RELN: variants seen among roughly 807,000 people sequenced by gnomAD.
RELN encodes the protein reelin.
In RELN, 108 loss-of-function variants were observed where a neutral mutation model predicts 427.6. That is an observed-to-expected ratio of 0.25 (90% CI 0.22 to 0.30). The LOEUF is 0.30. RELN is among the 10% of genes least tolerant of loss of function. The probability of loss-of-function intolerance (pLI) is 1.00; values close to 1 mark genes in which losing one functional copy is unlikely to be tolerated. For synonymous variants in RELN, 1,524 were observed against 1,513.4 expected, an observed-to-expected ratio of 1.01 and a Z score of -0.16; for missense variants, 3,715 against 4,302.8, an observed-to-expected ratio of 0.86 and a Z score of 3.82.
At chr7:103,939,350 C>T (rs576339911) in intron 1 of RELN, among the ~76,000 whole-genome samples, 14 of 152,124 alleles carry the variant, frequency 9.2e-5, no homozygotes, top group East Asian at 7.7e-4. Context: ...AATGAAGCAA[C>T]ATGTTCAATA....
In RELN at chr7:103,626,650, A is replaced by G. The variant is rs1273703800; in HGVS notation, c.2702+3290T>C. ...ACTGTGCCTGGCCTCAACTGTACACATTTTAAAACCCAAACTCTATATTTA... is the reference window on the plus strand; with the variant it reads ...ACTGTGCCTGGCCTCAACTGTACACGTTTTAAAACCCAAACTCTATATTTA... On this transcript the variant is annotated intron_variant, in intron 20 of 64. Transcript: ENST00000428762. The surrounding 1 kb of genome is among the most constrained non-coding windows in gnomAD (Gnocchi z 4.4). 6.6e-6 allele frequency among the ~76,000 whole-genome samples: 1 copy of G among 152,124 alleles called. No individual in the cohort carries two copies. Among genetic ancestry groups the G allele is most frequent in the Non-Finnish European group, 1.5e-5 (1 of 67,986 alleles).
intron 6 of RELN, among the ~76,000 whole-genome samples, chr7:103,734,819 C>T (rs10487166): frequency 0.11 from 16,648 of 152,152 alleles, 945 homozygotes; most frequent in South Asian, 0.19. Flanking sequence ...ATCATTTTGA[C>T]GGTGAACATT....
chr7:103,746,980 C>T (rs538330663), intron 6 of RELN, among the ~76,000 whole-genome samples: 3 of 152,260 alleles, frequency 2.0e-5, no homozygotes, highest in South Asian at 2.1e-4. Context: ...TTTATAGCAG[C>T]ACTATTCACA....
At chr7:103,487,943 A>G (rs1828502377) in intron 60 of RELN, among the ~76,000 whole-genome samples, 1 of 151,936 alleles carries the variant, frequency 6.6e-6, no homozygotes, top group African/African-American at 2.4e-5. Flanking sequence ...CAGGAGTTCG[A>G]GTCCAGCCTG....
At chr7:103,528,486 T>TTC (rs1829871194) in intron 46 of RELN, among the ~76,000 whole-genome samples, 1 of 147,322 alleles carries the variant, frequency 6.8e-6, no homozygotes, top group South Asian at 2.1e-4. Flanking sequence ...CCCTGTGGGT[T>TTC]TTTTTTTTTA....
At chr7:103,852,175 T>C (rs183326578) in intron 2 of RELN, among the ~76,000 whole-genome samples, 1 of 152,314 alleles carries the variant, frequency 6.6e-6, no homozygotes, top group East Asian at 1.9e-4. Flanking sequence ...AGTGTTTTGG[T>C]CCTAGTGATT....
chr7:103,680,656 G>T (rs1541329), intron 11 of RELN, among the ~76,000 whole-genome samples: 6 of 151,542 alleles, frequency 4.0e-5, no homozygotes, highest in African/African-American at 1.5e-4. Flanking sequence ...ACTGTTCTTA[G>T]AAGAGCTAGA....
At chr7:103,886,957 T>C (rs577838725) in intron 2 of RELN, among the ~76,000 whole-genome samples, 1 of 152,252 alleles carries the variant, frequency 6.6e-6, no homozygotes, top group East Asian at 1.9e-4. Flanking sequence ...CAAATAAAAC[T>C]ATGAAAAAGA....
At chr7:103,512,564 G>A (rs1251741461) in intron 50 of RELN, among the ~76,000 whole-genome samples, 1 of 152,176 alleles carries the variant, frequency 6.6e-6, no homozygotes. Flanking sequence ...TAAGTAGTAA[G>A]ACTATGAATT....
intron 3 of RELN, among the ~76,000 whole-genome samples, chr7:103,794,739 C>T (rs949719421): frequency 1.3e-5 from 2 of 152,044 alleles, no homozygotes; most frequent in South Asian, 4.2e-4. Flanking sequence ...TCATTCTTTG[C>T]TGTAGGGGGG....
At chr7:103,978,659 T>C (rs1405813305) in intron 1 of RELN, among the ~76,000 whole-genome samples, 1 of 152,174 alleles carries the variant, frequency 6.6e-6, no homozygotes, top group East Asian at 1.9e-4. Flanking sequence ...CTCTAGAGCA[T>C]TTGCATTTCA....
intron 1 of RELN, among the ~76,000 whole-genome samples, chr7:103,977,301 ACT>A (rs1796897992): frequency 9.2e-6 from 1 of 108,156 alleles, no homozygotes; most frequent in African/African-American, 3.8e-5. Context: ...ACAGAGTGAG[ACT>A]CTGTCTCAAA....
intron 3 of RELN, among the ~76,000 whole-genome samples, chr7:103,800,673 AG>A (rs1451028021): frequency 6.6e-6 from 1 of 152,224 alleles, no homozygotes; most frequent in African/African-American, 2.4e-5. Context: ...GGCATGGGCA[AG>A]GACTTCATGT....
intron 3 of RELN, among the ~76,000 whole-genome samples, chr7:103,811,164 T>C (rs1039899738): frequency 6.6e-6 from 1 of 152,236 alleles, no homozygotes; most frequent in Non-Finnish European, 1.5e-5. Flanking sequence ...ACAAATGATG[T>C]AGCTGTTTGT....
At chr7:103,482,712 A>G (rs1415831748) in intron 63 of RELN, 161 bp downstream of exon 63, 11 of 934,582 alleles carry the variant, frequency 1.2e-5, no homozygotes, top group Non-Finnish European at 1.4e-5. Flanking sequence ...TTCACTGATG[A>G]TTTGAGCTAT....
At chr7:103,587,405 G>C (rs935062375) in intron 28 of RELN, among the ~76,000 whole-genome samples, 10 of 151,996 alleles carry the variant, frequency 6.6e-5, no homozygotes, top group Admixed American at 6.6e-4. Context: ...TTAAACATGA[G>C]GCCCCAAACT....
At position 103,542,722 on chromosome 7, in the gene RELN, A is replaced by AC. The variant is rs1830200270; in HGVS notation, c.6671+8_6671+9insG. ...GTGGTTTTTTTCAACAGCATCTAAA[A>AC]ATGATTACCTAGCATGTGATAAATC... On this transcript the variant is annotated intron_variant, in intron 43 of 64. Coordinates refer to ENST00000428762, the MANE Select transcript of RELN (RefSeq NM_005045.4). The AC allele has an allele frequency of 6.2e-7, 1 of 1,613,966 alleles. No individual in the cohort carries two copies. Among genetic ancestry groups the AC allele is most frequent in the African/African-American group, 1.3e-5 (1 of 74,928 alleles).
chr7:103,900,426 G>T (rs1795058941), intron 2 of RELN, among the ~76,000 whole-genome samples: 1 of 151,826 alleles, frequency 6.6e-6, no homozygotes, highest in African/African-American at 2.4e-5. Flanking sequence ...TGACTTTCTT[G>T]ACAGAATTGG....
chr7:103,613,090 C>T (rs555218663), intron 20 of RELN, among the ~76,000 whole-genome samples: 2 of 152,162 alleles, frequency 1.3e-5, no homozygotes, highest in African/African-American at 4.8e-5. Context: ...GACACAATAC[C>T]CACATTACTT....
Sources: allele counts gnomAD v4.1 joint callset (sites outside exome capture counted in the v4.1 genomes callset), GRCh38; gene constraint gnomAD v4.1.1; non-coding constraint Gnocchi (gnomAD v3.1); transcripts MANE v1.5; gene names NCBI Gene and HGNC (gene_info 2026-07-23, HGNC 2026-07-21).